Variants in PCDH15 observed in about 807,000 individuals in gnomAD.
PCDH15 encodes the protein protocadherin-15.
A neutral mutation model predicts 178.5 loss-of-function variants in PCDH15; 129 were observed. The observed-to-expected ratio is 0.72, with a 90% CI of 0.63 to 0.84. PCDH15 has a LOEUF of 0.84. Ranked by LOEUF, PCDH15 falls within the 40% of genes least tolerant of loss-of-function variation. The probability of loss-of-function intolerance (pLI) is 0.00; values close to 1 mark genes in which losing one functional copy is unlikely to be tolerated. For missense variants in PCDH15, 2,230 were observed against 2,099.9 expected (o/e 1.06, Z -1.21); for synonymous variants, 800 against 732.0 (o/e 1.09, Z -1.50).
At chr10:55,383,852 C>A (rs1565082261) in intron 2 of PCDH15, among the ~76,000 whole-genome samples, 1 of 152,030 alleles carries the variant, frequency 6.6e-6, no homozygotes, top group Non-Finnish European at 1.5e-5. Flanking sequence ...CTGAAGAAAC[C>A]AGATGTTTGC....
intron 3 of PCDH15, among the ~76,000 whole-genome samples, chr10:54,466,321 C>T (rs774405124): frequency 4.6e-5 from 7 of 151,886 alleles, no homozygotes; most frequent in Non-Finnish European, 7.4e-5. Context: ...GGTCCTAACA[C>T]TATGTCTTTA....
At chr10:55,348,213 A>G (rs1157906658) in intron 2 of PCDH15, among the ~76,000 whole-genome samples, 2 of 152,198 alleles carry the variant, frequency 1.3e-5, no homozygotes, top group Non-Finnish European at 1.5e-5. Context: ...AATACAAAAT[A>G]TAATTCCTCA....
chr10:55,203,172 T>A (rs1326234637), intron 1 of PCDH15, among the ~76,000 whole-genome samples: 1 of 152,020 alleles, frequency 6.6e-6, no homozygotes, highest in Admixed American at 6.6e-5. Flanking sequence ...CTGAGAAATA[T>A]CAAACAGTGT....
Position 53,972,900 on chromosome 10 carries a change from A to G in PCDH15, c.2869-11008T>C, listed in dbSNP as rs187786573. Among the ~76,000 whole-genome samples the G allele has an allele frequency of 2.2e-3, 338 of 152,300 alleles. 2 individuals are homozygous for G. Among genetic ancestry groups the G allele is most frequent in the African/African-American group, 7.6e-3 (316 of 41,560 alleles). On this transcript the variant is annotated intron_variant, in intron 21 of 37. Coordinates refer to ENST00000644397, the MANE Select transcript of PCDH15 (RefSeq NM_001384140.1). The stretch of plus-strand genomic sequence containing the variant: ...CAGTGTGGCGATTCCTCAAGGATCT[A>G]GAACTAGAAATACCATTTGACCCAG...
chr10:55,341,733 C>A (rs1844563119), intron 2 of PCDH15, among the ~76,000 whole-genome samples: 1 of 127,928 alleles, frequency 7.8e-6, no homozygotes, highest in East Asian at 2.6e-4. Flanking sequence ...CCACGCCCAG[C>A]TAATTTTTTT....
chr10:54,527,981 G>T, intron 2 of PCDH15, 104 bp from the exon 3 acceptor site: 1 of 891,126 alleles, frequency 1.1e-6, no homozygotes, highest in Non-Finnish European at 1.8e-6. Context: ...GGAAAATCTT[G>T]CAATCTAATT....
At chr10:54,432,472 T>C (rs113984482) in intron 3 of PCDH15, among the ~76,000 whole-genome samples, 49 of 152,094 alleles carry the variant, frequency 3.2e-4, no homozygotes, top group African/African-American at 1.1e-3. Context: ...AAAACATACA[T>C]TGGGGAAAAG....
chr10:54,449,771 T>A (rs1474811968), intron 3 of PCDH15, among the ~76,000 whole-genome samples: 1 of 151,788 alleles, frequency 6.6e-6, no homozygotes, highest in Non-Finnish European at 1.5e-5. Context: ...GTAGGTTATA[T>A]GCAAATACTA....
At chr10:54,603,361 T>C (rs572691133) in intron 2 of PCDH15, among the ~76,000 whole-genome samples, 1 of 152,104 alleles carries the variant, frequency 6.6e-6, no homozygotes, top group African/African-American at 2.4e-5. Flanking sequence ...AATAGCTTTT[T>C]TGTCCTTTTT....
At chr10:54,533,929 C>G (rs2084205741) in intron 2 of PCDH15, among the ~76,000 whole-genome samples, 1 of 152,052 alleles carries the variant, frequency 6.6e-6, no homozygotes, top group South Asian at 2.1e-4. Flanking sequence ...CAAAACCTAA[C>G]TTCAAATCCT....
chr10:54,313,035 A>T (rs549050476), intron 8 of PCDH15, among the ~76,000 whole-genome samples: 45 of 152,138 alleles, frequency 3.0e-4, no homozygotes, highest in Non-Finnish European at 5.6e-4. Flanking sequence ...AAAATGATAA[A>T]AGGATCAAGA....
At chr10:54,172,309 CG>C (rs909291598) in intron 13 of PCDH15, among the ~76,000 whole-genome samples, 11 of 152,136 alleles carry the variant, frequency 7.2e-5, no homozygotes, top group East Asian at 3.9e-4. Flanking sequence ...TTGCGACCCC[CG>C]ACTCCTGCCC....
At chr10:54,586,142 A>C (rs963601466) in intron 2 of PCDH15, among the ~76,000 whole-genome samples, 2 of 152,196 alleles carry the variant, frequency 1.3e-5, no homozygotes, top group Non-Finnish European at 2.9e-5. Context: ...TAAAAAGATC[A>C]GTTATTGCTG....
intron 2 of PCDH15, among the ~76,000 whole-genome samples, chr10:55,330,605 T>C (rs536544588): frequency 8.4e-4 from 128 of 152,016 alleles, no homozygotes; most frequent in African/African-American, 3.0e-3. Flanking sequence ...AATTAAGCAG[T>C]CCTAGATATT....
chr10:54,459,133 G>A (rs10128213), intron 3 of PCDH15, among the ~76,000 whole-genome samples: 6,387 of 152,122 alleles, frequency 0.042, 300 homozygotes, highest in African/African-American at 0.11. Context: ...GAGAAAGAGA[G>A]AGAGAGAGTG....
chr10:54,434,104 T>C (rs1047389226), intron 3 of PCDH15, among the ~76,000 whole-genome samples: 3 of 152,156 alleles, frequency 2.0e-5, no homozygotes, highest in African/African-American at 7.2e-5. Flanking sequence ...AAAAAACTTA[T>C]AGAACAAGGA....
intron 2 of PCDH15, among the ~76,000 whole-genome samples, chr10:54,979,988 G>A (rs992778641): frequency 6.6e-6 from 1 of 152,210 alleles, no homozygotes; most frequent in Admixed American, 6.5e-5. Flanking sequence ...ACAATATTTT[G>A]TAGTATATTT....
At chr10:54,523,314 A>T (rs1565498895) in intron 3 of PCDH15, among the ~76,000 whole-genome samples, 1 of 152,160 alleles carries the variant, frequency 6.6e-6, no homozygotes, top group Non-Finnish European at 1.5e-5. Flanking sequence ...TTTGAATTTA[A>T]CCAAAAGTAG....
chr10:53,824,863 A>C (rs2076572027), intron 32 of PCDH15, among the ~76,000 whole-genome samples: 1 of 152,092 alleles, frequency 6.6e-6, no homozygotes, highest in African/African-American at 2.4e-5. Context: ...TTAAAATTTA[A>C]GAATTTTTAA....
Sources: allele counts gnomAD v4.1 joint callset (sites outside exome capture counted in the v4.1 genomes callset), GRCh38; gene constraint gnomAD v4.1.1; transcripts MANE v1.5; gene names NCBI Gene and HGNC (gene_info 2026-07-23, HGNC 2026-07-21).